The following REEP1 variants were observed in gnomAD, a reference collection of about 807,000 sequenced individuals.
The protein encoded by REEP1 is receptor accessory protein 1.
REEP1 carries 22 observed loss-of-function variants against 40.3 expected under a neutral mutation model. The ratio of observed to expected loss-of-function variants is 0.55; its 90% confidence interval spans 0.39 to 0.78. The LOEUF is 0.78. REEP1 is among the 30% of genes least tolerant of loss of function. The pLI is 0.00. For missense variants in REEP1, 280 were observed against 361.1 expected (o/e 0.78, Z 1.82); for synonymous variants, 116 against 139.2 (o/e 0.83, Z 1.17).
At position 86,239,208 on chromosome 2, in the gene REEP1, C is replaced by CAAAAAAAAAAAAAA. The variant is rs35714309; in HGVS notation, c.418-6420_418-6407dup. ...TGATGCTGACCAATGCCATCTAGAC[C>CAAAAAAAAAAAAAA]AAAAAAAAAAAAAAAAAAAAAAAAA... is the stretch of plus-strand genomic sequence containing the variant. On this transcript the variant is annotated intron_variant, in intron 5 of 8. Coordinates refer to ENST00000538924, the MANE Select transcript of REEP1 (RefSeq NM_001371279.1). 5.1e-5 allele frequency among the ~76,000 whole-genome samples: 3 copies of CAAAAAAAAAAAAAA among 58,348 alleles called. 1 individual carries two copies. Among genetic ancestry groups the CAAAAAAAAAAAAAA allele is most frequent in the Non-Finnish European group, 8.7e-5 (3 of 34,292 alleles). The allele number at this position is 58,348 out of a possible 152,430, so 38.3% of individuals were successfully genotyped here.
At chr2:86,334,099 G>C (rs76582879) in intron 1 of REEP1, among the ~76,000 whole-genome samples, 8 of 152,190 alleles carry the variant, frequency 5.3e-5, no homozygotes, top group African/African-American at 1.9e-4. Context: ...TCAGGTGCCA[G>C]ATACTTTGTG....
chr2:86,302,683 T>A (rs1286491670), intron 1 of REEP1, among the ~76,000 whole-genome samples: 1 of 152,208 alleles, frequency 6.6e-6, no homozygotes, highest in Non-Finnish European at 1.5e-5. Flanking sequence ...TTAGGACTCT[T>A]GTGGGCAATA....
At chr2:86,296,356 G>C (rs557560879) in intron 1 of REEP1, among the ~76,000 whole-genome samples, 1 of 152,322 alleles carries the variant, frequency 6.6e-6, no homozygotes, top group East Asian at 1.9e-4. Flanking sequence ...AAGTTAAATA[G>C]TTGGACTAAG....
Position 86,306,679 on chromosome 2 carries a change from T to C in REEP1, c.33-24437A>G, listed in dbSNP as rs140358216. Among the ~76,000 whole-genome samples, 254 of 152,306 alleles carry C rather than the reference T, an allele frequency of 1.7e-3. 3 individuals carry two copies. The highest frequency in any genetic ancestry group is 7.1e-3 in the East Asian group (37 of 5,182). On this transcript the variant is annotated intron_variant, in intron 1 of 8. Coordinates refer to ENST00000538924, the MANE Select transcript of REEP1 (RefSeq NM_001371279.1). ...ATCTGATCTACAAATTGGTGTTTGG[T>C]AGTAGTTCTCCTAACAGATCTCAAA...
chr2:86,306,775 G>T (rs1382645474), intron 1 of REEP1, among the ~76,000 whole-genome samples: 1 of 152,096 alleles, frequency 6.6e-6, no homozygotes, highest in African/African-American at 2.4e-5. Flanking sequence ...GATTCTTACA[G>T]GCCTCACACT....
chr2:86,317,753 C>T (rs1680083518), intron 1 of REEP1, among the ~76,000 whole-genome samples: 1 of 152,290 alleles, frequency 6.6e-6, no homozygotes, highest in Non-Finnish European at 1.5e-5. Flanking sequence ...TATGGATGTT[C>T]TTATCATTCT....
Position 86,216,277 on chromosome 2 carries a change from C to T in REEP1, c.*762G>A, listed in dbSNP as rs1367330795. ...CAGAATCCAGGGAGGAGATGAGCTT[C>T]CTGTGACTCTTCTCTTTTACTGGGA... On this transcript the variant is annotated 3_prime_UTR_variant, in exon 9 of 9. Transcript: ENST00000538924. The T allele has an allele frequency of 6.6e-6, 1 of 152,186 alleles. No homozygotes were observed. The highest frequency in any genetic ancestry group is 1.5e-5 in the Non-Finnish European group (1 of 68,034). 9.4% of individuals were successfully genotyped at this position (152,186 alleles called of 1,614,324 possible).
In REEP1 at chr2:86,296,112, A is replaced by G. The variant is rs145664893; in HGVS notation, c.33-13870T>C. Among the ~76,000 whole-genome samples the G allele has an allele frequency of 1.4e-3, 213 of 152,366 alleles. 1 individual carries two copies. The highest frequency in any genetic ancestry group is 4.9e-3 in the African/African-American group (203 of 41,590). On this transcript the variant is annotated intron_variant, in intron 1 of 8. Coordinates refer to ENST00000538924, the MANE Select transcript of REEP1 (RefSeq NM_001371279.1). ...ACAATCATAGGTGACCATAAGGGAA[A>G]GTCCAAGTGAAGAATGTCCTATTAT...
intron 1 of REEP1, among the ~76,000 whole-genome samples, chr2:86,322,506 A>G (rs370896458): frequency 6.6e-6 from 1 of 152,112 alleles, no homozygotes; most frequent in Non-Finnish European, 1.5e-5. Flanking sequence ...CAGCCTCCTG[A>G]GTAGCTGGGA....
At chr2:86,246,855 C>A (rs1265413529) in intron 5 of REEP1, among the ~76,000 whole-genome samples, 1 of 152,014 alleles carries the variant, frequency 6.6e-6, no homozygotes, top group East Asian at 1.9e-4. Context: ...GCATGCACCA[C>A]CACGCCCGGC....
At chr2:86,245,135 A>C (rs556302786) in intron 5 of REEP1, among the ~76,000 whole-genome samples, 2 of 152,124 alleles carry the variant, frequency 1.3e-5, no homozygotes, top group African/African-American at 4.8e-5. Context: ...CAAGAGTGAG[A>C]CACCGTCTCA....
intron 2 of REEP1, among the ~76,000 whole-genome samples, chr2:86,273,843 G>A (rs1677597620): frequency 6.6e-6 from 1 of 152,276 alleles, no homozygotes; most frequent in African/African-American, 2.4e-5. Flanking sequence ...GAAAGTACCT[G>A]TTTATTCCCC....
chr2:86,265,717 T>C (rs148395577), intron 2 of REEP1, among the ~76,000 whole-genome samples: 2 of 152,290 alleles, frequency 1.3e-5, no homozygotes, highest in African/African-American at 4.8e-5. Flanking sequence ...TTCTCACTTA[T>C]AAATAGGAGC....
rs529134899 is a variant in REEP1 at position 86,335,683 on chromosome 2, T to C, written c.32+1796A>G. 4.4e-3 allele frequency among the ~76,000 whole-genome samples: 674 copies of C among 152,098 alleles called. 5 individuals are homozygous for C. Among genetic ancestry groups the C allele is most frequent in the African/African-American group, 0.016 (647 of 41,482 alleles). On this transcript the variant is annotated intron_variant, in intron 1 of 8. Coordinates refer to ENST00000538924, the MANE Select transcript of REEP1 (RefSeq NM_001371279.1). ...GGCCAACATGGTGAAACCCCGTCTC[T>C]ACTAAAAATACAAAAATTAGCTGGG...
chr2:86,236,355 T>A (rs1309334188), intron 5 of REEP1, among the ~76,000 whole-genome samples: 1 of 152,234 alleles, frequency 6.6e-6, no homozygotes, highest in African/African-American at 2.4e-5. Flanking sequence ...CTGCAGAATC[T>A]TTGTTATTCT....
At chr2:86,322,790 C>A (rs1258212729) in intron 1 of REEP1, among the ~76,000 whole-genome samples, 1 of 151,888 alleles carries the variant, frequency 6.6e-6, no homozygotes, top group East Asian at 1.9e-4. Flanking sequence ...CGTGGTGGTG[C>A]ACACCTATAG....
At chr2:86,241,080 G>A (rs540755363) in intron 5 of REEP1, among the ~76,000 whole-genome samples, 1 of 152,336 alleles carries the variant, frequency 6.6e-6, no homozygotes, top group African/African-American at 2.4e-5. Context: ...ATCTGAGCCA[G>A]GCCCTTGCCC....
intron 1 of REEP1, among the ~76,000 whole-genome samples, chr2:86,294,769 A>AGATAGATG (rs943328570): frequency 6.6e-6 from 1 of 151,820 alleles, no homozygotes; most frequent in African/African-American, 2.4e-5. Context: ...ATAGATAGAT[A>AGATAGATG]GGTTTCTAAC....
chr2:86,227,293 C>T (rs1674760766), intron 7 of REEP1, 70 bp downstream of exon 7: 1 of 1,203,400 alleles, frequency 8.3e-7, no homozygotes, highest in Admixed American at 4.2e-5. Context: ...GGTCAGGTGC[C>T]CACTCCTGGT....
Sources: gnomAD v4.1 joint callset for allele counts (sites outside exome capture counted in the v4.1 genomes callset) on GRCh38, gnomAD v4.1.1 for gene constraint, MANE v1.5 for transcripts, NCBI Gene and HGNC (gene_info 2026-07-23, HGNC 2026-07-21) for gene names.